Variants in MTURN observed in about 807,000 individuals in gnomAD.
MTURN encodes the protein maturin, neural progenitor differentiation regulator homolog, also known as maturin.
Under a neutral mutation model 14.9 loss-of-function variants are expected in MTURN, and 7 were observed. That is an observed-to-expected ratio of 0.47 (90% CI 0.27 to 0.88). The LOEUF (loss-of-function observed/expected upper bound fraction) is 0.88. Among genes scored for constraint, MTURN ranks in the 40% least tolerant of loss-of-function variants. The pLI is 0.14. For synonymous variants in MTURN, 69 were observed against 72.5 expected, an observed-to-expected ratio of 0.95 and a Z score of 0.25; for missense variants, 151 against 174.1, an observed-to-expected ratio of 0.87 and a Z score of 0.75.
rs377051998 is a variant in MTURN at position 30,146,245 on chromosome 7, C to T, written c.231C>T (p.Cys77=). Reference sequence around the variant, plus strand: ...TAGCACAGGATTACATCTCCTCCTGCGGCAAGAAGACGCTCCACGAAGTCC... The same window carrying T: ...TAGCACAGGATTACATCTCCTCCTGTGGCAAGAAGACGCTCCACGAAGTCC... ...LQLAQDYISS[C]GKKTLHEVLE... Residue 77 remains cysteine, a synonymous_variant, in exon 2 of 3, where the codon TGC becomes TGT. Coordinates refer to ENST00000324453, the MANE Select transcript of MTURN (RefSeq NM_152793.3). 12 of 1,613,990 alleles carry T rather than the reference C, an allele frequency of 7.4e-6. No individual in the cohort carries two copies. Among genetic ancestry groups the T allele is most frequent in the South Asian group, 6.6e-5 (6 of 91,090 alleles).
intron 2 of MTURN, among the ~76,000 whole-genome samples, chr7:30,156,304 TAA>T (rs142827079): frequency 6.6e-6 from 1 of 151,910 alleles, no homozygotes; most frequent in African/African-American, 2.4e-5. Context: ...CTCACAATCT[TAA>T]AAAAAACCTT....
intron 1 of MTURN, among the ~76,000 whole-genome samples, chr7:30,140,514 G>A (rs1359730518): frequency 6.6e-6 from 1 of 151,834 alleles, no homozygotes; most frequent in East Asian, 1.9e-4. Flanking sequence ...ATTTAAATGA[G>A]ATTGAGTCCC....
chr7:30,146,380 G>A (rs1797130538), intron 2 of MTURN, 81 bp downstream of exon 2: 1 of 1,580,042 alleles, frequency 6.3e-7, no homozygotes, highest in Non-Finnish European at 8.7e-7. Context: ...TGGGGAAGGT[G>A]GGCAAAACCT....
intron 1 of MTURN, among the ~76,000 whole-genome samples, chr7:30,145,144 G>T (rs1378124025): frequency 2.6e-5 from 4 of 151,966 alleles, no homozygotes. Context: ...TATGAGAGAG[G>T]CTTGCCTAGT....
intron 2 of MTURN, among the ~76,000 whole-genome samples, chr7:30,153,019 G>GA (rs1234776794): frequency 2.6e-5 from 4 of 151,888 alleles, no homozygotes; most frequent in South Asian, 2.1e-4. Context: ...CCAGTCAGCT[G>GA]AAAAAAAATT....
intron 1 of MTURN, among the ~76,000 whole-genome samples, chr7:30,145,005 C>G (rs983643558): frequency 1.5e-5 from 2 of 130,740 alleles, no homozygotes; most frequent in Non-Finnish European, 3.2e-5. Flanking sequence ...ATTCTTGGTA[C>G]CTGACAGATA....
At chr7:30,149,205 T>G (rs1480860232) in intron 2 of MTURN, among the ~76,000 whole-genome samples, 1 of 152,204 alleles carries the variant, frequency 6.6e-6, no homozygotes, top group Non-Finnish European at 1.5e-5. Flanking sequence ...GCAGTTGGAT[T>G]GGTTGAGGAA....
chr7:30,142,981 G>A (rs543721988), intron 1 of MTURN, among the ~76,000 whole-genome samples: 21 of 152,214 alleles, frequency 1.4e-4, no homozygotes, highest in African/African-American at 4.1e-4. Flanking sequence ...CTGTGGCCAC[G>A]CCCAGTGGCA....
In MTURN at chr7:30,157,456, G is replaced by T; in HGVS notation, c.304G>T (p.Ala102Ser). ...SFRPLLGLPDADDDAFEEYSA... is the reference protein window; with the variant it reads ...SFRPLLGLPDSDDDAFEEYSA... Reference sequence around the variant, plus strand: ...CCTGTAGTTACTGGGGCTTCCGGATGCAGATGACGATGCGTTTGAAGAGTA... The same window carrying T: ...CCTGTAGTTACTGGGGCTTCCGGATTCAGATGACGATGCGTTTGAAGAGTA... The change falls in exon 3 of 3, where the codon GCA (alanine) becomes TCA (serine). Residue 102 changes from alanine to serine, a missense_variant. Transcript: ENST00000324453. 6.2e-7 allele frequency: 1 copy of T among 1,601,282 alleles called. No individual in the cohort carries two copies. The highest frequency in any genetic ancestry group is 1.7e-4 in the Middle Eastern group (1 of 6,024).
rs1014583370 is a variant in MTURN, at chr7:30,161,074, G to C, written c.*3526G>C. The C allele has an allele frequency of 6.6e-6, 1 of 152,638 alleles. No homozygotes were observed. Among genetic ancestry groups the C allele is most frequent in the Non-Finnish European group, 1.5e-5 (1 of 68,038 alleles). 9.5% of individuals were successfully genotyped at this position (152,638 alleles called of 1,614,324 possible). A position where few individuals can be genotyped will look rare whatever the true frequency, so the allele number is the denominator to read the frequency against. On this transcript the variant is annotated 3_prime_UTR_variant, in exon 3 of 3. Transcript: ENST00000324453. ...TCTGAATATTGTTTCTGTTTCATAAGAGCACAATGTACATGGACCTAGGGG... is the reference window on the plus strand; with the variant it reads ...TCTGAATATTGTTTCTGTTTCATAACAGCACAATGTACATGGACCTAGGGG...
At chr7:30,138,586 C>G (rs111572669) in intron 1 of MTURN, among the ~76,000 whole-genome samples, 11 of 152,184 alleles carry the variant, frequency 7.2e-5, no homozygotes, top group African/African-American at 2.6e-4. Flanking sequence ...CCACCTCACT[C>G]TTACTGTAGT....
intron 2 of MTURN, among the ~76,000 whole-genome samples, chr7:30,147,419 G>C (rs566357552): frequency 7.2e-5 from 11 of 152,296 alleles, no homozygotes; most frequent in African/African-American, 2.6e-4. Context: ...GATGGCTCCC[G>C]GGGGTGAGAA....
Position 30,135,242 on chromosome 7 carries a change from G to A in MTURN, c.106G>A (p.Asp36Asn), listed in dbSNP as rs773770887. 1 of 1,518,406 alleles carries A rather than the reference G, an allele frequency of 6.6e-7. No homozygotes were observed. The highest frequency in any genetic ancestry group is 2.1e-5 in the Admixed American group (1 of 48,644). The allele number at this position is 1,518,406 out of a possible 1,614,324, so 94.1% of individuals were successfully genotyped here. A position where few individuals can be genotyped will look rare whatever the true frequency, so the allele number is the denominator to read the frequency against. The stretch of plus-strand genomic sequence containing the variant: ...CGAACGCAGGATGGATTTCTACGCC[G>A]ACCCCGGCGTCTCCTTCTATGTGCT... ...ETERRMDFYA[D>N]PGVSFYVLCP... Residue 36 changes from aspartate (D) to asparagine (N), a missense_variant, in exon 1 of 3, where the codon GAC becomes AAC. By Grantham distance (23) the Asp-to-Asn change is conservative. Transcript: ENST00000324453.
chr7:30,147,808 AAT>A (rs1797150401), intron 2 of MTURN, among the ~76,000 whole-genome samples: 2 of 152,362 alleles, frequency 1.3e-5, no homozygotes, highest in South Asian at 4.1e-4. Flanking sequence ...ACAGAAATCA[AAT>A]AGAGTGACAA....
chr7:30,155,686 T>G (rs1378294477), intron 2 of MTURN, among the ~76,000 whole-genome samples: 1 of 152,236 alleles, frequency 6.6e-6, no homozygotes, highest in Non-Finnish European at 1.5e-5. Context: ...GTTGACTGTG[T>G]ACGCCTTGGC....
intron 1 of MTURN, 136 bp downstream of exon 1, chr7:30,135,434 G>C (rs1583499606): frequency 1.4e-6 from 1 of 722,216 alleles, no homozygotes; most frequent in East Asian, 6.5e-5. Context: ...CGCGCCCCGC[G>C]TGCTCCGCCG....
intron 1 of MTURN, among the ~76,000 whole-genome samples, chr7:30,136,894 G>C (rs755081729): frequency 6.6e-6 from 1 of 152,198 alleles, no homozygotes. Flanking sequence ...TGGGGTTAGA[G>C]ACCTGGGGTT....
chr7:30,135,167 G>A lies in MTURN; in HGVS notation c.31G>A (p.Glu11Lys). The A allele has an allele frequency of 6.8e-7, 1 of 1,479,548 alleles. No individual in the cohort carries two copies. The highest frequency in any genetic ancestry group is 3.0e-5 in the East Asian group (1 of 33,482). The allele number at this position is 1,479,548 out of a possible 1,614,324, so 91.7% of individuals were successfully genotyped here. A position where few individuals can be genotyped will look rare whatever the true frequency, so the allele number is the denominator to read the frequency against. Residue 11 changes from glutamate to lysine, a missense_variant, in exon 1 of 3, where the codon GAG (glutamate) becomes AAG (lysine). Glu to Lys is a moderately conservative substitution (Grantham distance 56, BLOSUM62 1). Transcript: ENST00000324453. MDFQQLADVA[E>K]KWCSNTPFEL... ...TTTCCAGCAGCTGGCCGACGTTGCG[G>A]AGAAATGGTGCTCCAACACGCCCTT...
At chr7:30,138,074 T>C (rs1796993084) in intron 1 of MTURN, among the ~76,000 whole-genome samples, 1 of 152,190 alleles carries the variant, frequency 6.6e-6, no homozygotes, top group Non-Finnish European at 1.5e-5. Context: ...CCCGTATTTG[T>C]GTGCCTTGGG....
Sources: allele counts gnomAD v4.1 joint callset (sites outside exome capture counted in the v4.1 genomes callset), GRCh38; gene constraint gnomAD v4.1.1; transcripts MANE v1.5; gene names NCBI Gene and HGNC (gene_info 2026-07-23, HGNC 2026-07-21).